EPHB2: variants seen among roughly 807,000 people sequenced by gnomAD.
EPHB2 encodes EPH receptor B2, also known as ephrin type-B receptor 2.
Under a neutral mutation model 96.4 loss-of-function variants are expected in EPHB2, and 18 were observed. That is an observed-to-expected ratio of 0.19 (90% CI 0.13 to 0.28). EPHB2 has a LOEUF of 0.28. Among genes scored for constraint, EPHB2 ranks in the 10% least tolerant of loss-of-function variants. EPHB2 has a pLI of 1.00. For missense variants in EPHB2, 989 were observed against 1,355.4 expected, an observed-to-expected ratio of 0.73 and a Z score of 4.25; for synonymous variants, 506 against 534.1, an observed-to-expected ratio of 0.95 and a Z score of 0.72.
chr1:22,714,190 C>T (rs1021855356), intron 1 of EPHB2, among the ~76,000 whole-genome samples: 1 of 152,158 alleles, frequency 6.6e-6, no homozygotes. Context: ...GAGCATGATA[C>T]GGGGTCCAAC....
intron 14 of EPHB2, among the ~76,000 whole-genome samples, chr1:22,911,421 G>A (rs1202459801): frequency 6.6e-6 from 1 of 152,028 alleles, no homozygotes; most frequent in Non-Finnish European, 1.5e-5. Flanking sequence ...ATAGGCACCT[G>A]CACACACACA....
Position 22,775,206 on chromosome 1 carries a change from G to A in EPHB2, c.62-6215G>A, listed in dbSNP as rs369020082. On this transcript the variant is annotated intron_variant, in intron 1 of 15. Coordinates refer to ENST00000374630, the MANE Select transcript of EPHB2 (RefSeq NM_017449.5). ...CACAGTTGTGAAAATAGATGGATGTGGGTTCCAGTCCTAGCCCTGCCTGTG... is the reference window on the plus strand; with the variant it reads ...CACAGTTGTGAAAATAGATGGATGTAGGTTCCAGTCCTAGCCCTGCCTGTG... 2.4e-4 allele frequency: 184 copies of A among 779,652 alleles called. No homozygotes were observed. In the African/African-American group the frequency reaches 2.9e-3, roughly 12 times the overall value. The allele number at this position is 779,652 out of a possible 1,614,324, so 48.3% of individuals were successfully genotyped here. A position where few individuals can be genotyped will look rare whatever the true frequency, so the allele number is the denominator to read the frequency against.
At chr1:22,882,079 C>T (rs1159520173) in intron 5 of EPHB2, among the ~76,000 whole-genome samples, 1 of 152,216 alleles carries the variant, frequency 6.6e-6, no homozygotes, top group Non-Finnish European at 1.5e-5. Context: ...TCTATCTCTA[C>T]TGTCTCTCAA....
chr1:22,867,258 C>T (rs571952423), intron 5 of EPHB2, among the ~76,000 whole-genome samples: 13 of 152,276 alleles, frequency 8.5e-5, no homozygotes, highest in South Asian at 2.1e-4. Flanking sequence ...GTGTTTACAA[C>T]GCATATGACT....
At chr1:22,850,423 G>A (rs993901197) in intron 3 of EPHB2, among the ~76,000 whole-genome samples, 5 of 152,212 alleles carry the variant, frequency 3.3e-5, no homozygotes, top group African/African-American at 9.6e-5. Flanking sequence ...TCACCCTCAC[G>A]GTACCAGGAC....
At chr1:22,753,318 T>G (rs1272694106) in intron 1 of EPHB2, among the ~76,000 whole-genome samples, 2 of 152,126 alleles carry the variant, frequency 1.3e-5, no homozygotes, top group East Asian at 3.8e-4. Flanking sequence ...GTTATGTGGA[T>G]TAAATGAGTC....
intron 3 of EPHB2, among the ~76,000 whole-genome samples, chr1:22,816,523 T>C (rs1645077396): frequency 6.6e-6 from 1 of 152,158 alleles, no homozygotes; most frequent in Non-Finnish European, 1.5e-5. Context: ...CCTCTGGGCC[T>C]TGGCTCACGC....
intron 1 of EPHB2, among the ~76,000 whole-genome samples, chr1:22,743,680 C>G (rs924296508): frequency 4.6e-5 from 7 of 152,164 alleles, no homozygotes; most frequent in African/African-American, 1.7e-4. Context: ...ACCACGTTGG[C>G]CAGGCTGGTC....
intron 3 of EPHB2, among the ~76,000 whole-genome samples, chr1:22,798,975 G>A (rs1644804968): frequency 6.6e-6 from 1 of 152,126 alleles, no homozygotes; most frequent in Non-Finnish European, 1.5e-5. Context: ...CATGGTAATG[G>A]ATGAGCCTTC....
At chr1:22,873,506 A>G (rs1330059307) in intron 5 of EPHB2, among the ~76,000 whole-genome samples, 4 of 152,346 alleles carry the variant, frequency 2.6e-5, no homozygotes, top group Middle Eastern at 3.4e-3. Context: ...TGGCCAAGCG[A>G]GAGTCAGAGA....
chr1:22,765,866 C>T (rs1644301383), intron 1 of EPHB2, among the ~76,000 whole-genome samples: 1 of 152,146 alleles, frequency 6.6e-6, no homozygotes, highest in Admixed American at 6.5e-5. Context: ...CCGCCACTGG[C>T]CAGTTCTGCT....
chr1:22,729,597 C>T (rs1643658067), intron 1 of EPHB2, among the ~76,000 whole-genome samples: 1 of 152,188 alleles, frequency 6.6e-6, no homozygotes, highest in South Asian at 2.1e-4. Flanking sequence ...CACCACAGGG[C>T]CTTTGCACTG....
At chr1:22,869,847 T>C (rs947527771) in intron 5 of EPHB2, among the ~76,000 whole-genome samples, 2 of 152,346 alleles carry the variant, frequency 1.3e-5, no homozygotes, top group Non-Finnish European at 2.9e-5. Context: ...TTTTACCTTG[T>C]GTCATTGATC....
intron 1 of EPHB2, among the ~76,000 whole-genome samples, chr1:22,752,863 A>G (rs1004476932): frequency 6.6e-6 from 1 of 152,084 alleles, no homozygotes; most frequent in Non-Finnish European, 1.5e-5. Flanking sequence ...GACTTGCTGC[A>G]GCGTCAGATT....
At chr1:22,726,551 G>C (rs1222482274) in intron 1 of EPHB2, among the ~76,000 whole-genome samples, 1 of 151,960 alleles carries the variant, frequency 6.6e-6, no homozygotes, top group African/African-American at 2.4e-5. Flanking sequence ...CTCCTGAGTA[G>C]CTGGGATTTC....
chr1:22,859,321 G>T (rs984522058), intron 3 of EPHB2, among the ~76,000 whole-genome samples: 5 of 150,860 alleles, frequency 3.3e-5, no homozygotes, highest in Non-Finnish European at 7.4e-5. Flanking sequence ...TTGTACCTAG[G>T]TGAGTGTGAG....
intron 6 of EPHB2, among the ~76,000 whole-genome samples, chr1:22,890,812 C>T (rs544178844): frequency 3.3e-5 from 5 of 152,262 alleles, no homozygotes; most frequent in Admixed American, 1.3e-4. Flanking sequence ...CCCCTTTGCT[C>T]GGCACTTCTC....
chr1:22,909,154 G>T lies in EPHB2; in HGVS notation c.2485G>T (p.Asp829Tyr). The T allele has an allele frequency of 3.1e-6, 5 of 1,614,230 alleles. No homozygotes were observed. The highest frequency in any genetic ancestry group is 4.2e-6 in the Non-Finnish European group (5 of 1,180,036). Residue 829 changes from aspartate (D) to tyrosine (Y), a missense_variant, in exon 13 of 16, where the codon GAC (aspartate) becomes TAC (tyrosine). Physicochemically the swap from Asp to Tyr is radical, Grantham distance 160 (BLOSUM62 -3). Coordinates refer to ENST00000374630, the MANE Select transcript of EPHB2 (RefSeq NM_017449.5). ...GTCCTATGGGGAGCGGCCCTACTGG[G>T]ACATGACCAACCAGGATGTAAGTCT... The part of the protein sequence containing the change: ...VMSYGERPYW[D>Y]MTNQDVINAI...
chr1:22,727,792 A>C (rs1476374761), intron 1 of EPHB2, among the ~76,000 whole-genome samples: 8 of 147,380 alleles, frequency 5.4e-5, no homozygotes, highest in African/African-American at 7.8e-5. Flanking sequence ...TTAAAAAAAA[A>C]AAACAAAAAA....
Sources: gnomAD v4.1 joint callset for allele counts (sites outside exome capture counted in the v4.1 genomes callset) on GRCh38, gnomAD v4.1.1 for gene constraint, MANE v1.5 for transcripts, NCBI Gene and HGNC (gene_info 2026-07-23, HGNC 2026-07-21) for gene names.